Variants in SLC38A8 observed in about 807,000 individuals in gnomAD.
SLC38A8 encodes the protein amino acid transporter SLC38A8.
A neutral mutation model predicts 46.0 loss-of-function variants in SLC38A8; 65 were observed. The ratio of observed to expected loss-of-function variants is 1.41; its 90% CI spans 1.16 to 1.74. The LOEUF (loss-of-function observed/expected upper bound fraction) is 1.74. Among genes scored for constraint, SLC38A8 ranks in the 40% most tolerant of loss-of-function variants. SLC38A8 has a pLI of 0.00. For missense variants in SLC38A8, 998 were observed against 567.9 expected (o/e 1.76, Z -7.70); for synonymous variants, 447 against 243.7 (o/e 1.83, Z -7.77).
intron 10 of SLC38A8, 50 bp from the exon 11 acceptor site, chr16:84,009,927 A>C: frequency 6.5e-7 from 1 of 1,542,102 alleles, no homozygotes; most frequent in Non-Finnish European, 8.9e-7. Context: ...TTTTGCACAA[A>C]TAAGCCACAC....
chr16:84,013,331 A>G (rs944054011), intron 9 of SLC38A8, among the ~76,000 whole-genome samples: 3 of 151,764 alleles, frequency 2.0e-5, no homozygotes, highest in African/African-American at 7.3e-5. Context: ...CCCCCACAGC[A>G]GAGTCTATGA....
intron 7 of SLC38A8, among the ~76,000 whole-genome samples, chr16:84,022,514 G>C (rs894545100): frequency 6.6e-6 from 1 of 152,232 alleles, no homozygotes; most frequent in Non-Finnish European, 1.5e-5. Flanking sequence ...GGGCTTTGGA[G>C]ACGGCTAGGC....
chr16:84,020,608 A>G (rs1487993794), intron 7 of SLC38A8, among the ~76,000 whole-genome samples: 4 of 152,210 alleles, frequency 2.6e-5, no homozygotes, highest in Admixed American at 2.6e-4. Context: ...CCTGACCCAA[A>G]GCTGGTGCAG....
intron 6 of SLC38A8, among the ~76,000 whole-genome samples, chr16:84,024,100 GC>G (rs971002816): frequency 1.3e-5 from 2 of 152,140 alleles, no homozygotes; most frequent in Non-Finnish European, 2.9e-5. Context: ...GCCAGTAACA[GC>G]CCCCCTCCCC....
intron 9 of SLC38A8, among the ~76,000 whole-genome samples, chr16:84,013,975 C>G (rs574854734): frequency 6.6e-6 from 1 of 152,008 alleles, no homozygotes; most frequent in South Asian, 2.1e-4. Context: ...CCACCCAGAG[C>G]CTGAGTGAGG....
chr16:84,015,419 G>A (rs2085013453), intron 9 of SLC38A8, among the ~76,000 whole-genome samples: 1 of 152,080 alleles, frequency 6.6e-6, no homozygotes, highest in Non-Finnish European at 1.5e-5. Flanking sequence ...CAGGAGGGAA[G>A]GGAGACATTT....
intron 7 of SLC38A8, 58 bp downstream of exon 7, chr16:84,022,717 A>T: frequency 1.6e-6 from 2 of 1,273,978 alleles, no homozygotes; most frequent in South Asian, 1.2e-5. Context: ...ACTCGCTGTT[A>T]CTCTTGTTTC....
intron 9 of SLC38A8, among the ~76,000 whole-genome samples, chr16:84,014,913 C>T (rs957796977): frequency 6.6e-6 from 1 of 151,716 alleles, no homozygotes; most frequent in African/African-American, 2.4e-5. Context: ...TGTCACCACC[C>T]ACTTACCTGG....
chr16:84,013,628 A>T (rs1334653438), intron 9 of SLC38A8, among the ~76,000 whole-genome samples: 1 of 148,142 alleles, frequency 6.8e-6, no homozygotes, highest in Admixed American at 6.7e-5. Flanking sequence ...ACGGGATTTC[A>T]CCATGTTGGT....
chr16:84,018,077 GA>G (rs1254500674), intron 7 of SLC38A8, among the ~76,000 whole-genome samples: 1 of 152,076 alleles, frequency 6.6e-6, no homozygotes, highest in Non-Finnish European at 1.5e-5. Flanking sequence ...ATAAAGAAAA[GA>G]AACTTACTTC....
At chr16:84,028,692 C>A (rs545301311) in intron 6 of SLC38A8, among the ~76,000 whole-genome samples, 6 of 151,260 alleles carry the variant, frequency 4.0e-5, no homozygotes, top group African/African-American at 1.2e-4. Flanking sequence ...TCCCCTGCCC[C>A]CCCTGCCCCG....
Position 84,031,886 on chromosome 16 carries a change from C to G in SLC38A8, c.613G>C (p.Glu205Gln). The G allele has an allele frequency of 1.2e-6, 2 of 1,614,142 alleles. No homozygotes were observed. Among genetic ancestry groups the G allele is most frequent in the East Asian group, 4.5e-5 (2 of 44,894 alleles). ...ACTTACCTCAGTGAAGGATGGGACT[C>G]ACGCACGAGGCCCTGGGGCCAGAGG... ...YYLWPQGLVR[E>Q]SHPSLSPASW... Residue 205 changes from glutamate (E) to glutamine (Q), a missense_variant, in exon 5 of 11, where the codon GAG becomes CAG. Physicochemically the swap from Glu to Gln is conservative, Grantham distance 29. Transcript: ENST00000299709.
intron 7 of SLC38A8, among the ~76,000 whole-genome samples, chr16:84,021,850 G>C (rs1294881303): frequency 6.6e-6 from 1 of 152,230 alleles, no homozygotes; most frequent in African/African-American, 2.4e-5. Context: ...TCTGGGGAGA[G>C]CCTTCTTGCC....
rs183496661 is a variant in SLC38A8 at position 84,022,970 on chromosome 16, C to T, written c.691-81G>A. 3.0e-4 allele frequency: 299 copies of T among 991,778 alleles called. No homozygotes were observed. The African/African-American group carries it at 3.3e-3, about 11-fold the overall frequency. The allele number at this position is 991,778 out of a possible 1,614,324, so 61.4% of individuals were successfully genotyped here. On this transcript the variant is annotated intron_variant, in intron 6 of 10. Transcript: ENST00000299709. ...CGAAAAAAAACTCATATCCAAAAGGCGGGAAATGTGGGATATGATGAGGTT... is the reference window on the plus strand; with the variant it reads ...CGAAAAAAAACTCATATCCAAAAGGTGGGAAATGTGGGATATGATGAGGTT...
chr16:84,012,159 A>T (rs2084962246), intron 10 of SLC38A8, among the ~76,000 whole-genome samples: 1 of 152,190 alleles, frequency 6.6e-6, no homozygotes, highest in African/African-American at 2.4e-5. Flanking sequence ...AACCCCATAA[A>T]ACTAATACAT....
intron 9 of SLC38A8, among the ~76,000 whole-genome samples, chr16:84,014,131 TCA>T (rs1373500115): frequency 2.4e-5 from 3 of 126,528 alleles, no homozygotes; most frequent in African/African-American, 9.3e-5. Context: ...AAACCTCCTC[TCA>T]GAGCCTGAGG....
At chr16:84,016,130 G>T (rs186717678) in intron 9 of SLC38A8, among the ~76,000 whole-genome samples, 4 of 146,784 alleles carry the variant, frequency 2.7e-5, no homozygotes, top group African/African-American at 1.0e-4. Context: ...GCTGGGGGGC[G>T]GGGGGGGACC....
At chr16:84,036,973 G>A in intron 2 of SLC38A8, 73 bp from the exon 3 acceptor site, 2 of 1,433,982 alleles carry the variant, frequency 1.4e-6, no homozygotes, top group Admixed American at 2.0e-5. Context: ...CCACCCCTCG[G>A]GCACACTCTC....
chr16:84,010,934 C>A (rs1386285685), intron 10 of SLC38A8, among the ~76,000 whole-genome samples: 1 of 152,100 alleles, frequency 6.6e-6, no homozygotes, highest in African/African-American at 2.4e-5. Context: ...GACTGGCAGC[C>A]ACCGAGGCCA....
Sources: gnomAD v4.1 joint callset for allele counts (sites outside exome capture counted in the v4.1 genomes callset) on GRCh38, gnomAD v4.1.1 for gene constraint, MANE v1.5 for transcripts, NCBI Gene and HGNC (gene_info 2026-07-23, HGNC 2026-07-21) for gene names.